The following CT55 variants were observed in gnomAD, a reference collection of about 807,000 sequenced individuals.
The protein encoded by CT55 is cancer/testis antigen 55, also known as BRCA2-interacting protein.
A neutral mutation model predicts 12.6 loss-of-function variants in CT55; 1 was observed. That is an observed-to-expected ratio of 0.08 (90% CI 0.03 to 0.38). The LOEUF is 0.38. Among genes scored for constraint, CT55 ranks in the 10% least tolerant of loss-of-function variants. CT55 has a pLI of 0.99. For missense variants in CT55, 109 were observed against 135.4 expected, an observed-to-expected ratio of 0.80 and a Z score of 0.97; for synonymous variants, 43 against 49.7, an observed-to-expected ratio of 0.87 and a Z score of 0.57.
At chrX:135,158,449 A>G in intron 3 of CT55, 138 bp from the exon 4 acceptor site, 1 of 419,323 alleles carries the variant, frequency 2.4e-6, no homozygotes, top group Non-Finnish European at 4.2e-6. Flanking sequence ...ATTTAAACAG[A>G]CACTACAAAT....
intron 2 of CT55, among the ~76,000 whole-genome samples, chrX:135,160,895 C>T (rs1267519419): frequency 1.8e-5 from 2 of 111,297 alleles, no homozygotes; most frequent in African/African-American, 6.6e-5. Context: ...AAGCAGGTTG[C>T]GATGAAGGAT....
chrX:135,163,828 C>T (rs1265057349), intron 2 of CT55, among the ~76,000 whole-genome samples: 1 of 111,490 alleles, frequency 9.0e-6, no homozygotes, highest in African/African-American at 3.3e-5. Flanking sequence ...AAGCAAATCA[C>T]ATATAAGGCA....
chrX:135,166,579 C>T (rs782639556), intron 2 of CT55, among the ~76,000 whole-genome samples: 1 of 111,794 alleles, frequency 8.9e-6, no homozygotes, highest in Non-Finnish European at 1.9e-5. Context: ...CCCTTTCTAT[C>T]GCACATAGTT....
intron 2 of CT55, among the ~76,000 whole-genome samples, chrX:135,169,235 T>C (rs1425030679): frequency 8.9e-6 from 1 of 112,469 alleles, no homozygotes; most frequent in Non-Finnish European, 1.9e-5. Context: ...TTTTAAAATA[T>C]TTACAATGCA....
At chrX:135,162,526 C>T (rs1346601044) in intron 2 of CT55, among the ~76,000 whole-genome samples, 2 of 111,895 alleles carry the variant, frequency 1.8e-5, no homozygotes, top group Non-Finnish European at 3.8e-5. Context: ...CCATGGTACC[C>T]GGTTATAGCA....
intron 2 of CT55, among the ~76,000 whole-genome samples, chrX:135,168,896 C>T (rs782392017): frequency 1.1e-4 from 12 of 112,149 alleles, no homozygotes; most frequent in Non-Finnish European, 2.3e-4. Context: ...ATCAGTAGGT[C>T]TAAGAAATAA....
intron 2 of CT55, among the ~76,000 whole-genome samples, chrX:135,166,514 A>G (rs1331743233): frequency 8.9e-6 from 1 of 111,900 alleles, no homozygotes; most frequent in Middle Eastern, 4.2e-3. Context: ...TGAATGGGGA[A>G]GTGTTGCAGG....
At chrX:135,164,525 C>T (rs1475327480) in intron 2 of CT55, among the ~76,000 whole-genome samples, 3 of 111,621 alleles carry the variant, frequency 2.7e-5, no homozygotes, top group African/African-American at 9.8e-5. Context: ...GAAGAAATTA[C>T]CTACAAAATA....
At chrX:135,170,992 G>A in intron 1 of CT55, 86 bp downstream of exon 1, 1 of 1,165,057 alleles carries the variant, frequency 8.6e-7, no homozygotes, top group Non-Finnish European at 1.2e-6. Flanking sequence ...ACCCACCCGA[G>A]TTACAACAGC....
chrX:135,160,543 G>A lies in CT55; in HGVS notation c.292C>T (p.Pro98Ser). 8.4e-7 allele frequency: 1 copy of A among 1,189,313 alleles called. No individual in the cohort carries two copies. The highest frequency in any genetic ancestry group is 3.0e-5 in the East Asian group (1 of 33,046). ...GLRAIKVDVV[P>S]RHLYGAGPSD... ...GGTCCAGCACCATAAAGATGGCGAG[G>A]CACAACATCCACCTGTAAGATTTAG... Residue 98 changes from proline (P) to serine (S), a missense_variant, in exon 3 of 6, where the codon CCT becomes TCT. By Grantham distance (74) the Pro-to-Ser change is moderately conservative. Coordinates refer to ENST00000276241, the MANE Select transcript of CT55 (RefSeq NM_001031705.3).
chrX:135,164,703 G>C (rs1556405693), intron 2 of CT55, among the ~76,000 whole-genome samples: 1 of 111,587 alleles, frequency 9.0e-6, no homozygotes, highest in African/African-American at 3.3e-5. Flanking sequence ...CTCCTTAAAG[G>C]GCATTCGTAA....
chrX:135,163,961 G>C (rs1168780041), intron 2 of CT55, among the ~76,000 whole-genome samples: 1 of 111,624 alleles, frequency 9.0e-6, no homozygotes, highest in African/African-American at 3.3e-5. Context: ...ACCCAGCAGT[G>C]AAGGGGAGAT....
chrX:135,159,134 T>A (rs1284415873), intron 3 of CT55, among the ~76,000 whole-genome samples: 1 of 111,388 alleles, frequency 9.0e-6, no homozygotes, highest in Non-Finnish European at 1.9e-5. Context: ...ACTAGTGATA[T>A]CAACAAAGTT....
upstream of CT55, chrX:135,171,422 C>T: frequency 2.3e-6 from 1 of 438,212 alleles, no homozygotes. Context: ...TCAGGGCCCG[C>T]CTCTACCACT....
chrX:135,160,348 C>A, intron 3 of CT55, 63 bp downstream of exon 3: 2 of 1,090,523 alleles, frequency 1.8e-6, no homozygotes, highest in Admixed American at 3.6e-5. Context: ...AAAGTTGTTC[C>A]AGGACTAAAA....
intron 2 of CT55, among the ~76,000 whole-genome samples, chrX:135,163,929 A>T (rs2083572623): frequency 9.0e-6 from 1 of 111,621 alleles, no homozygotes; most frequent in South Asian, 3.8e-4. Context: ...CAAGGAAAAA[A>T]ATCTCTAAGC....
intron 2 of CT55, among the ~76,000 whole-genome samples, chrX:135,164,625 T>C (rs1338550854): frequency 8.9e-6 from 1 of 112,050 alleles, no homozygotes; most frequent in Non-Finnish European, 1.9e-5. Flanking sequence ...CCAATTAAAA[T>C]GCACAGAGTA....
rs782169238 is a variant in CT55, at chrX:135,160,265, C to G, written c.424+146G>C. The G allele has an allele frequency of 7.2e-6, 4 of 555,406 alleles. No homozygotes were observed. In the East Asian group the frequency reaches 1.6e-4, roughly 23 times the overall value. The allele number at this position is 555,406 out of a possible 1,213,427, so 45.8% of individuals were successfully genotyped here. A position where few individuals can be genotyped will look rare whatever the true frequency, so the allele number is the denominator to read the frequency against. On this transcript the variant is annotated intron_variant, in intron 3 of 5. Transcript: ENST00000276241. Reference sequence around the variant, plus strand: ...ATAATACTGTCTATTTGCCCCTATACTGTACTTAATTTCGATTGGAACAGT... The same window carrying G: ...ATAATACTGTCTATTTGCCCCTATAGTGTACTTAATTTCGATTGGAACAGT...
intron 2 of CT55, among the ~76,000 whole-genome samples, chrX:135,163,020 A>G (rs2083568929): frequency 8.9e-6 from 1 of 111,773 alleles, no homozygotes; most frequent in African/African-American, 3.3e-5. Flanking sequence ...CAATAGCTGT[A>G]GTGTTCACAA....
Sources: allele counts gnomAD v4.1 joint callset (sites outside exome capture counted in the v4.1 genomes callset), GRCh38; gene constraint gnomAD v4.1.1; transcripts MANE v1.5; gene names NCBI Gene and HGNC (gene_info 2026-07-23, HGNC 2026-07-21).